CDH18: variants seen among roughly 807,000 people sequenced by gnomAD.
CDH18 encodes the protein cadherin-18.
In CDH18, 31 loss-of-function variants were observed where a neutral mutation model predicts 67.9. The ratio of observed to expected loss-of-function variants is 0.46; its 90% confidence interval spans 0.34 to 0.62. The LOEUF is 0.62. Among genes scored for constraint, CDH18 ranks in the 20% least tolerant of loss-of-function variants. The pLI is 0.01. For missense variants in CDH18, 890 were observed against 975.5 expected, an observed-to-expected ratio of 0.91 and a Z score of 1.17; for synonymous variants, 362 against 347.2, an observed-to-expected ratio of 1.04 and a Z score of -0.48.
At chr5:20,435,967 T>G (rs1355914065) in intron 1 of CDH18, among the ~76,000 whole-genome samples, 2 of 152,054 alleles carry the variant, frequency 1.3e-5, no homozygotes, top group East Asian at 1.9e-4. Flanking sequence ...ACCTAAGTAC[T>G]TCTAAGTTTT....
chr5:20,352,822 T>G (rs1331576335), intron 1 of CDH18, among the ~76,000 whole-genome samples: 1 of 151,716 alleles, frequency 6.6e-6, no homozygotes, highest in Admixed American at 6.6e-5. Context: ...AAAAATAACC[T>G]AATGTTCTTT....
rs367631024 is a variant in CDH18, at chr5:20,049,794, A to G, written c.-517-57780T>C. On this transcript the variant is annotated intron_variant, in intron 2 of 14. Coordinates refer to the CDH18 transcript ENST00000507958. Reference sequence around the variant, plus strand: ...AAATTGACATTGTAATAGGGAAGCTATGACTTCAAAGCTTACCAAATGGAA... The same window carrying G: ...AAATTGACATTGTAATAGGGAAGCTGTGACTTCAAAGCTTACCAAATGGAA... Among the ~76,000 whole-genome samples, 93 of 151,952 alleles carry G rather than the reference A, an allele frequency of 6.1e-4. No homozygotes were observed. The South Asian group carries it at 0.017, about 27-fold the overall frequency.
chr5:19,598,783 T>G (rs351299), intron 6 of CDH18, among the ~76,000 whole-genome samples: 5,806 of 152,218 alleles, frequency 0.038, 324 homozygotes, highest in African/African-American at 0.12. Flanking sequence ...CATCCCACAA[T>G]GAAGAGATGT....
intron 5 of CDH18, among the ~76,000 whole-genome samples, chr5:19,685,766 T>C (rs1451327304): frequency 6.6e-6 from 1 of 152,202 alleles, no homozygotes; most frequent in Non-Finnish European, 1.5e-5. Context: ...GTGTAAACAA[T>C]GTTTGATGTT....
chr5:19,828,899 G>A (rs771704257), intron 3 of CDH18, among the ~76,000 whole-genome samples: 1 of 152,062 alleles, frequency 6.6e-6, no homozygotes, highest in Non-Finnish European at 1.5e-5. Context: ...TTAGCTGGGC[G>A]TGGTGGCATG....
intron 1 of CDH18, among the ~76,000 whole-genome samples, chr5:20,505,554 G>A (rs1277527687): frequency 2.6e-5 from 4 of 151,996 alleles, no homozygotes; most frequent in Admixed American, 6.6e-5. Flanking sequence ...TTTTATCTAC[G>A]TGAGCTCATG....
At chr5:19,587,790 TA>T (rs1387384265) in intron 7 of CDH18, among the ~76,000 whole-genome samples, 1 of 152,066 alleles carries the variant, frequency 6.6e-6, no homozygotes. Context: ...TGGTTTCATA[TA>T]AATTTTAAAT....
intron 2 of CDH18, among the ~76,000 whole-genome samples, chr5:19,891,490 A>G (rs1313886160): frequency 1.3e-5 from 2 of 152,170 alleles, no homozygotes; most frequent in Non-Finnish European, 2.9e-5. Flanking sequence ...ATCACGTAAA[A>G]GATAATTTAT....
At position 19,479,116 on chromosome 5, in the gene CDH18, C is replaced by T. The variant is rs188762227; in HGVS notation, c.1882+4185G>A. Among the ~76,000 whole-genome samples the T allele has an allele frequency of 5.9e-5, 9 of 152,224 alleles. 1 individual carries two copies. The highest frequency in any genetic ancestry group is 2.2e-4 in the African/African-American group (9 of 41,548). ...AAATTCTACAGAATGACTCTAAGGT[C>T]CTTTCAACTGAAATGTCATTCTCAC... On this transcript the variant is annotated intron_variant, in intron 12 of 12. Transcript: ENST00000382275.
intron 2 of CDH18, among the ~76,000 whole-genome samples, chr5:20,211,726 A>C (rs780047169): frequency 6.6e-6 from 1 of 152,170 alleles, no homozygotes; most frequent in East Asian, 1.9e-4. Context: ...AATAGCATCA[A>C]CATCAACAAA....
At chr5:20,326,831 G>C (rs1208984759) in intron 1 of CDH18, among the ~76,000 whole-genome samples, 4 of 152,108 alleles carry the variant, frequency 2.6e-5, no homozygotes, top group Non-Finnish European at 4.4e-5. Flanking sequence ...TTGAGCCACC[G>C]GGCCTGGCCA....
intron 10 of CDH18, among the ~76,000 whole-genome samples, chr5:19,510,633 CT>C (rs1362226678): frequency 6.6e-6 from 1 of 151,878 alleles, no homozygotes; most frequent in Non-Finnish European, 1.5e-5. Flanking sequence ...TAGTAATTAC[CT>C]TTTTGATATG....
chr5:20,247,197 A>G (rs1234503053), intron 2 of CDH18, among the ~76,000 whole-genome samples: 1 of 152,154 alleles, frequency 6.6e-6, no homozygotes, highest in Non-Finnish European at 1.5e-5. Flanking sequence ...ATCAGATCTC[A>G]GCCTCCTGAT....
At chr5:19,569,901 T>G (rs1741077761) in intron 8 of CDH18, among the ~76,000 whole-genome samples, 1 of 151,900 alleles carries the variant, frequency 6.6e-6, no homozygotes, top group Admixed American at 6.6e-5. Context: ...TTTTTTGTAT[T>G]AATAAAAAAT....
chr5:20,204,951 C>A (rs1739763817), intron 2 of CDH18, among the ~76,000 whole-genome samples: 1 of 151,110 alleles, frequency 6.6e-6, no homozygotes, highest in Non-Finnish European at 1.5e-5. Flanking sequence ...AAAAATTTTA[C>A]CAGAAAAAAA....
chr5:20,324,540 C>CAAACA (rs78842210), intron 1 of CDH18, among the ~76,000 whole-genome samples: 65,149 of 150,774 alleles, frequency 0.43, 15,827 homozygotes, highest in Middle Eastern at 0.6. Flanking sequence ...GACTCCGTCT[C>CAAACA]AAACAAAACA....
intron 5 of CDH18, among the ~76,000 whole-genome samples, chr5:19,677,249 T>G (rs1443991464): frequency 6.6e-6 from 1 of 152,050 alleles, no homozygotes; most frequent in Admixed American, 6.6e-5. Context: ...TGGGGATGTG[T>G]TTTCAGTATT....
chr5:20,571,679 A>G (rs1313891112), intron 1 of CDH18, among the ~76,000 whole-genome samples: 1 of 152,124 alleles, frequency 6.6e-6, no homozygotes, highest in African/African-American at 2.4e-5. Context: ...AGTAAAGGAG[A>G]TATCTTTACC....
At chr5:19,713,034 T>A (rs1764908459) in intron 5 of CDH18, among the ~76,000 whole-genome samples, 1 of 151,982 alleles carries the variant, frequency 6.6e-6, no homozygotes, top group Non-Finnish European at 1.5e-5. Flanking sequence ...GATTTAATAT[T>A]TGACAATAAA....
Sources: gnomAD v4.1 joint callset for allele counts (sites outside exome capture counted in the v4.1 genomes callset) on GRCh38, gnomAD v4.1.1 for gene constraint, MANE v1.5 for transcripts, NCBI Gene and HGNC (gene_info 2026-07-23, HGNC 2026-07-21) for gene names.